Variants in PARVA observed in about 807,000 individuals in gnomAD.
The protein encoded by PARVA is alpha-parvin.
In PARVA, 25 loss-of-function variants were observed where a neutral mutation model predicts 52.6. The ratio of observed to expected loss-of-function variants is 0.48; its 90% CI spans 0.35 to 0.66. The LOEUF is 0.66. PARVA is among the 30% of genes least tolerant of loss of function. PARVA has a pLI of 0.01. For missense variants in PARVA, 373 were observed against 450.9 expected (o/e 0.83, Z 1.56); for synonymous variants, 185 against 179.1 (o/e 1.03, Z -0.26).
intron 1 of PARVA, among the ~76,000 whole-genome samples, chr11:12,457,092 T>C (rs956055532): frequency 1.3e-5 from 2 of 152,240 alleles, no homozygotes; most frequent in African/African-American, 4.8e-5. Context: ...AATGAGGCTC[T>C]CATCACATTG....
At chr11:12,473,378 C>T (rs1242478970) in intron 1 of PARVA, among the ~76,000 whole-genome samples, 1 of 152,194 alleles carries the variant, frequency 6.6e-6, no homozygotes, top group African/African-American at 2.4e-5. Context: ...AGTCGCCGGG[C>T]ACCAGACAGG....
At chr11:12,519,981 G>C (rs889025914) in intron 12 of PARVA, among the ~76,000 whole-genome samples, 1 of 152,178 alleles carries the variant, frequency 6.6e-6, no homozygotes, top group Non-Finnish European at 1.5e-5. Context: ...AGAAAGTTCC[G>C]ACCATCATTT....
intron 1 of PARVA, among the ~76,000 whole-genome samples, chr11:12,395,252 A>AT (rs199923311): frequency 3.3e-5 from 5 of 152,190 alleles, no homozygotes; most frequent in Admixed American, 2.0e-4. Context: ...CAACTGTATA[A>AT]TTTAAAAAAA....
At chr11:12,397,167 T>C (rs11022337) in intron 1 of PARVA, among the ~76,000 whole-genome samples, 5,480 of 152,354 alleles carry the variant, frequency 0.036, 323 homozygotes, top group African/African-American at 0.12. Flanking sequence ...AGGTTCCCTA[T>C]TGATGAACAT....
intron 1 of PARVA, among the ~76,000 whole-genome samples, chr11:12,468,541 A>G (rs2135030796): frequency 6.6e-6 from 1 of 152,328 alleles, no homozygotes; most frequent in East Asian, 1.9e-4. Flanking sequence ...GAATCCTGGT[A>G]TCCCCATGTT....
At chr11:12,497,257 G>T (rs913872216) in intron 5 of PARVA, among the ~76,000 whole-genome samples, 1 of 151,944 alleles carries the variant, frequency 6.6e-6, no homozygotes, top group African/African-American at 2.4e-5. Context: ...ATTAATCAAG[G>T]GATTAGGTGA....
intron 1 of PARVA, among the ~76,000 whole-genome samples, chr11:12,401,728 A>G (rs1223580724): frequency 6.6e-6 from 1 of 152,240 alleles, no homozygotes; most frequent in African/African-American, 2.4e-5. Flanking sequence ...AGGGAACAAT[A>G]GGATTGGGAA....
intron 1 of PARVA, chr11:12,453,096 C>A (rs1326820672): frequency 1.3e-5 from 6 of 451,370 alleles, no homozygotes; most frequent in Non-Finnish European, 2.7e-5. Context: ...TGGGGGGGCG[C>A]CCTGGCCACC....
chr11:12,377,385 T>TG (rs965661081), upstream of PARVA: 2 of 1,356,042 alleles, frequency 1.5e-6, no homozygotes. Flanking sequence ...GGGGCAGTTT[T>TG]GGGGCATCCT....
rs144122113 is a variant in PARVA, at chr11:12,470,659, CAGATCATGATGAGAAAAT to C, written c.137-3066_137-3049del. 7.5e-3 allele frequency among the ~76,000 whole-genome samples: 1,137 copies of C among 152,212 alleles called. 23 individuals are homozygous for C. The highest frequency in any genetic ancestry group is 0.026 in the African/African-American group (1,060 of 41,528). On this transcript the variant is annotated intron_variant, in intron 1 of 12. Transcript: ENST00000334956. ...TTAACAGCCATATAAGTTTTTATTTCAGATCATGATGAGAAAATAGATCATGATGAGAAAATAAAACAT... is the reference window on the plus strand; with the variant it reads ...TTAACAGCCATATAAGTTTTTATTTCAGATCATGATGAGAAAATAAAACAT...
Position 12,517,810 on chromosome 11 carries a change from T to C in PARVA, c.969+99T>C. ...GCTATCCAGAAAAAAGGCAGAAGCT[T>C]CCCCTCTGCTCAACGTCTTCAGTGC... On this transcript the variant is annotated intron_variant, in intron 11 of 12. Coordinates refer to ENST00000334956, the MANE Select transcript of PARVA (RefSeq NM_018222.5). The C allele has an allele frequency of 3.8e-6, 3 of 790,732 alleles. No individual in the cohort carries two copies. In the East Asian group the frequency reaches 8.1e-5, roughly 21 times the overall value. The allele number at this position is 790,732 out of a possible 1,614,324, so 49.0% of individuals were successfully genotyped here.
At position 12,435,970 on chromosome 11, in the gene PARVA, G is replaced by A. The variant is rs531861880; in HGVS notation, c.137-37775G>A. Among the ~76,000 whole-genome samples the A allele has an allele frequency of 3.9e-5, 6 of 152,014 alleles. No individual in the cohort carries two copies. The East Asian group carries it at 5.8e-4, about 15-fold the overall frequency. On this transcript the variant is annotated intron_variant, in intron 1 of 12. Coordinates refer to ENST00000334956, the MANE Select transcript of PARVA (RefSeq NM_018222.5). ...CCTGAGTAGCTGGGACTACAGGCGC[G>A]TACCACCACACACAGCTAATTTTTT...
At chr11:12,514,123 C>A in intron 10 of PARVA, 58 bp downstream of exon 10, 1 of 1,374,730 alleles carries the variant, frequency 7.3e-7, no homozygotes, top group Non-Finnish European at 1.0e-6. Context: ...GCCCCTGTTC[C>A]AAGTGGCCCA....
intron 5 of PARVA, among the ~76,000 whole-genome samples, chr11:12,503,667 G>A (rs1352717444): frequency 2.6e-5 from 4 of 152,162 alleles, no homozygotes; most frequent in African/African-American, 7.2e-5. Flanking sequence ...CTAGGAGTTC[G>A]AGGCTGCAGT....
At chr11:12,418,268 G>A (rs1940098099) in intron 1 of PARVA, among the ~76,000 whole-genome samples, 1 of 152,202 alleles carries the variant, frequency 6.6e-6, no homozygotes, top group East Asian at 1.9e-4. Context: ...CCCTGGGTGG[G>A]TGATGTGAGT....
intron 7 of PARVA, among the ~76,000 whole-genome samples, chr11:12,509,790 GCA>G (rs1360251385): frequency 6.6e-6 from 1 of 152,132 alleles, no homozygotes; most frequent in Non-Finnish European, 1.5e-5. Flanking sequence ...GATCTATAGG[GCA>G]CACCTTGGCC....
intron 1 of PARVA, among the ~76,000 whole-genome samples, chr11:12,411,684 G>T (rs1939994588): frequency 6.6e-6 from 1 of 152,160 alleles, no homozygotes; most frequent in Non-Finnish European, 1.5e-5. Flanking sequence ...AGACGGAATT[G>T]AACACAGAAA....
intron 3 of PARVA, among the ~76,000 whole-genome samples, chr11:12,477,413 C>T (rs1056538744): frequency 5.3e-5 from 8 of 151,992 alleles, no homozygotes; most frequent in Admixed American, 2.6e-4. Flanking sequence ...TTTTTATGGC[C>T]GTACACTGTG....
At position 12,529,532 on chromosome 11, in the gene PARVA, CCCT is replaced by C. The variant is rs1313746589; in HGVS notation, c.*1613_*1615del. On this transcript the variant is annotated 3_prime_UTR_variant, in exon 13 of 13. Transcript: ENST00000334956. The stretch of plus-strand genomic sequence containing the variant: ...TGCCAGGTAGACACCAGCCCAAGTA[CCCT>C]CCTCCAGAAGTCTGTGACTACCTTG... The C allele has an allele frequency of 6.6e-6, 1 of 152,134 alleles. No homozygotes were observed. The highest frequency in any genetic ancestry group is 1.9e-4 in the East Asian group (1 of 5,192). The allele number at this position is 152,134 out of a possible 1,614,324, so 9.4% of individuals were successfully genotyped here.
Sources: gnomAD v4.1 joint callset for allele counts (sites outside exome capture counted in the v4.1 genomes callset) on GRCh38, gnomAD v4.1.1 for gene constraint, MANE v1.5 for transcripts, NCBI Gene and HGNC (gene_info 2026-07-23, HGNC 2026-07-21) for gene names.